Variants in LRRK2 observed in about 807,000 individuals in gnomAD.
LRRK2 encodes leucine rich repeat kinase 2, also known as leucine-rich repeat serine/threonine-protein kinase 2.
Under a neutral mutation model 302.6 loss-of-function variants are expected in LRRK2, and 203 were observed. That is an observed-to-expected ratio of 0.67 (90% confidence interval 0.60 to 0.75). The LOEUF (loss-of-function observed/expected upper bound fraction) is 0.75. Ranked by LOEUF, LRRK2 falls within the 30% of genes least tolerant of loss-of-function variation. The pLI is 0.00. For synonymous variants in LRRK2, 1,066 were observed against 1,031.9 expected, an observed-to-expected ratio of 1.03 and a Z score of -0.63; for missense variants, 2,830 against 2,951.0, an observed-to-expected ratio of 0.96 and a Z score of 0.95.
chr12:40,287,875 C>T (rs1943990362), intron 20 of LRRK2, among the ~76,000 whole-genome samples: 1 of 151,832 alleles, frequency 6.6e-6, no homozygotes, highest in South Asian at 2.1e-4. Context: ...GTAATGTCGA[C>T]TTTGCAGGGT....
At position 40,225,620 on chromosome 12, in the gene LRRK2, A is replaced by G. The variant is rs887954350; in HGVS notation, c.217A>G (p.Arg73Gly). The G allele has an allele frequency of 2.5e-6, 4 of 1,613,804 alleles. No homozygotes were observed. In the African/African-American group the frequency reaches 4.0e-5, roughly 16 times the overall value. ...PLLIVLDSYM[R>G]VASVQQVGWS... ...GTTGATCGTCTTGGACTCCTATATGAGAGTCGCGAGTGTGCAGCAGGTAAA... is the reference window on the plus strand; with the variant it reads ...GTTGATCGTCTTGGACTCCTATATGGGAGTCGCGAGTGTGCAGCAGGTAAA... The change falls in exon 2 of 51, where the codon AGA (arginine) becomes GGA (glycine). Residue 73 changes from arginine (R) to glycine (G), a missense_variant. By Grantham distance (125) the Arg-to-Gly change is moderately radical. This residue lies in a region of LRRK2 where 2,121 missense variants were observed against 2,148.0 expected (regional missense o/e 0.99). Coordinates refer to ENST00000298910, the MANE Select transcript of LRRK2 (RefSeq NM_198578.4).
chr12:40,305,949 A>G lies in LRRK2; in HGVS notation c.3942A>G (p.Lys1314=), dbSNP rs1156323271. 6.2e-7 allele frequency: 1 copy of G among 1,609,834 alleles called. No homozygotes were observed. Among genetic ancestry groups the G allele is most frequent in the East Asian group, 2.2e-5 (1 of 44,762 alleles). ...LNFDFKHIGC[K]AKDIIRFLQQ... The stretch of plus-strand genomic sequence containing the variant: ...TTGATTTTAAACATATAGGATGTAA[A>G]GCCAAAGACATCATAAGGTTAGATA... Residue 1314 remains lysine (K), a synonymous_variant, in exon 28 of 51, where the codon AAA becomes AAG. Transcript: ENST00000298910.
In LRRK2 at chr12:40,283,926, G is replaced by C. The variant is rs767793388; in HGVS notation, c.2293G>C (p.Gly765Arg). Residue 765 changes from glycine (G) to arginine (R), a missense_variant, in exon 19 of 51, where the codon GGA becomes CGA. Gly to Arg is a moderately radical substitution (Grantham distance 125). Transcript: ENST00000298910. ...PKLVELLLNSGSREQDVRKAL... is the reference protein window; with the variant it reads ...PKLVELLLNSRSREQDVRKAL... ...ATTGGTGGAACTCTTACTGAATAGT[G>C]GATCTCGTGAACAAGATGTACGAAA... 1 of 1,613,632 alleles carries C rather than the reference G, an allele frequency of 6.2e-7. No homozygotes were observed. Among genetic ancestry groups the C allele is most frequent in the Non-Finnish European group, 8.5e-7 (1 of 1,179,696 alleles).
At chr12:40,354,088 AT>A (rs897907734) in intron 44 of LRRK2, among the ~76,000 whole-genome samples, 1 of 152,214 alleles carries the variant, frequency 6.6e-6, no homozygotes, top group African/African-American at 2.4e-5. Flanking sequence ...ATAATTTTTA[AT>A]TTTAGTTTCA....
At chr12:40,272,883 C>A (rs1943289481) in intron 14 of LRRK2, among the ~76,000 whole-genome samples, 1 of 151,922 alleles carries the variant, frequency 6.6e-6, no homozygotes, top group Non-Finnish European at 1.5e-5. Flanking sequence ...GACTTTTCTG[C>A]TAATAAGTTT....
chr12:40,275,019 T>C (rs759447176), intron 16 of LRRK2, 26 bp downstream of exon 16: 99 of 1,613,322 alleles, frequency 6.1e-5, no homozygotes, highest in Non-Finnish European at 8.3e-5. Context: ...TGGAAAGAAT[T>C]TGGGAACTTG....
Position 40,359,526 on chromosome 12 carries a change from A to T in LRRK2, c.7028+82A>T, listed in dbSNP as rs190532647. 3.9e-5 allele frequency: 42 copies of T among 1,073,100 alleles called. No homozygotes were observed. In the East Asian group the frequency reaches 1.1e-3, roughly 28 times the overall value. 66.5% of individuals were successfully genotyped at this position (1,073,100 alleles called of 1,614,324 possible). ...ATAATCATTAATAATACTGTTGATA[A>T]TTCATAAGGAAGATCTTTTAAAATG... On this transcript the variant is annotated intron_variant, in intron 47 of 50. Coordinates refer to ENST00000298910, the MANE Select transcript of LRRK2 (RefSeq NM_198578.4).
At chr12:40,246,819 C>T (rs1348610725) in intron 7 of LRRK2, among the ~76,000 whole-genome samples, 1 of 152,134 alleles carries the variant, frequency 6.6e-6, no homozygotes, top group African/African-American at 2.4e-5. Context: ...TTCATGCTTT[C>T]CCACAAGACT....
intron 3 of LRRK2, among the ~76,000 whole-genome samples, chr12:40,234,640 G>A (rs1166107141): frequency 1.3e-5 from 2 of 152,030 alleles, no homozygotes; most frequent in African/African-American, 2.4e-5. Context: ...GCGTCCCAAA[G>A]TGCTGAGATT....
At chr12:40,265,135 C>T (rs1039201406) in intron 14 of LRRK2, among the ~76,000 whole-genome samples, 2 of 152,104 alleles carry the variant, frequency 1.3e-5, no homozygotes, top group East Asian at 3.9e-4. Flanking sequence ...TATACTCAAA[C>T]TTTAATACAA....
chr12:40,234,526 A>G (rs992030676), intron 3 of LRRK2, among the ~76,000 whole-genome samples: 1 of 151,124 alleles, frequency 6.6e-6, no homozygotes, highest in Non-Finnish European at 1.5e-5. Context: ...CTGCAGGAGT[A>G]CGCCACCACG....
chr12:40,310,083 T>G (rs1429663145), intron 30 of LRRK2, among the ~76,000 whole-genome samples: 1 of 152,076 alleles, frequency 6.6e-6, no homozygotes, highest in Non-Finnish European at 1.5e-5. Context: ...TGACGTTAAT[T>G]TGATATAATT....
chr12:40,287,283 G>C (rs1487627403), intron 19 of LRRK2, 68 bp from the exon 20 acceptor site: 7 of 1,385,700 alleles, frequency 5.1e-6, no homozygotes, highest in Non-Finnish European at 6.1e-6. Flanking sequence ...TAAGAACTTT[G>C]GTCCTATGTA....
chr12:40,302,840 A>G lies in LRRK2; in HGVS notation c.3548A>G (p.Asn1183Ser). The G allele has an allele frequency of 6.2e-7, 1 of 1,611,582 alleles. No homozygotes were observed. The highest frequency in any genetic ancestry group is 8.5e-7 in the Non-Finnish European group (1 of 1,178,118). Reference sequence around the variant, plus strand: ...ATGACAATCCTAAAATTATCTCAGAACAAATTTTCCTGTATTCCAGAAGCA... The same window carrying G: ...ATGACAATCCTAAAATTATCTCAGAGCAAATTTTCCTGTATTCCAGAAGCA... The part of the protein sequence containing the change: ...PSMTILKLSQ[N>S]KFSCIPEAIL... Residue 1183 changes from asparagine (N) to serine (S), a missense_variant, in exon 26 of 51, where the codon AAC becomes AGC. Asn to Ser is a conservative substitution (Grantham distance 46, BLOSUM62 1). This residue lies in a region of LRRK2 where 2,121 missense variants were observed against 2,148.0 expected (regional missense o/e 0.99). Coordinates refer to ENST00000298910, the MANE Select transcript of LRRK2 (RefSeq NM_198578.4).
At chr12:40,240,055 A>T (rs970678710) in intron 5 of LRRK2, among the ~76,000 whole-genome samples, 2 of 152,114 alleles carry the variant, frequency 1.3e-5, no homozygotes, top group Admixed American at 6.6e-5. Context: ...CAAGTTGACA[A>T]CTCTTGAACT....
At position 40,279,402 on chromosome 12, in the gene LRRK2, A is replaced by G. The variant is rs149019823; in HGVS notation, c.2241+1141A>G. Among the ~76,000 whole-genome samples the G allele has an allele frequency of 3.7e-3, 567 of 152,132 alleles. 2 individuals carry two copies. The highest frequency in any genetic ancestry group is 6.3e-3 in the Non-Finnish European group (428 of 67,952). On this transcript the variant is annotated intron_variant, in intron 18 of 50. Transcript: ENST00000298910. Reference sequence around the variant, plus strand: ...TTTATGAATTAAAATCACATAAACAATCTAATTATTTAAATTTAGTCAAAT... The same window carrying G: ...TTTATGAATTAAAATCACATAAACAGTCTAATTATTTAAATTTAGTCAAAT...
At chr12:40,247,850 C>T (rs1475705400) in intron 7 of LRRK2, among the ~76,000 whole-genome samples, 1 of 149,482 alleles carries the variant, frequency 6.7e-6, no homozygotes, top group Non-Finnish European at 1.5e-5. Flanking sequence ...GTACAACTAT[C>T]TTGGGAGATG....
At position 40,322,026 on chromosome 12, in the gene LRRK2, A is replaced by C. The variant is rs78243554; in HGVS notation, c.5171-9A>C. The C allele has an allele frequency of 1.9e-6, 3 of 1,612,888 alleles. No individual in the cohort carries two copies. Among genetic ancestry groups the C allele is most frequent in the Admixed American group, 3.3e-5 (2 of 59,948 alleles). The stretch of plus-strand genomic sequence containing the variant: ...GAAGCAGTTAATAATTAATGGCTCC[A>C]TTTTTTAGAACGAGCACTTCGCCCA... On this transcript the variant is annotated splice_polypyrimidine_tract_variant and intron_variant, in intron 35 of 50. Transcript: ENST00000298910.
At chr12:40,333,477 C>T (rs1178484666) in intron 39 of LRRK2, among the ~76,000 whole-genome samples, 1 of 152,180 alleles carries the variant, frequency 6.6e-6, no homozygotes, top group African/African-American at 2.4e-5. Context: ...GAGTAAAGTG[C>T]AATATACAGT....
Sources: allele counts gnomAD v4.1 joint callset (sites outside exome capture counted in the v4.1 genomes callset), GRCh38; gene constraint gnomAD v4.1.1; regional missense constraint gnomAD v4.1.1; transcripts MANE v1.5; gene names NCBI Gene and HGNC (gene_info 2026-07-23, HGNC 2026-07-21).